The following PTPN4 variants were observed in gnomAD, a reference collection of about 807,000 sequenced individuals.
The protein encoded by PTPN4 is protein tyrosine phosphatase non-receptor type 4.
In PTPN4, 49 loss-of-function variants were observed where a neutral mutation model predicts 135.5. The observed-to-expected ratio is 0.36, with a 90% CI of 0.29 to 0.46. The LOEUF is 0.46. Among genes scored for constraint, PTPN4 ranks in the 20% least tolerant of loss-of-function variants. The probability of loss-of-function intolerance (pLI) is 1.00; values close to 1 mark genes in which losing one functional copy is unlikely to be tolerated. For missense variants in PTPN4, 860 were observed against 1,101.0 expected, an observed-to-expected ratio of 0.78 and a Z score of 3.10; for synonymous variants, 333 against 369.9, an observed-to-expected ratio of 0.90 and a Z score of 1.14.
intron 24 of PTPN4, among the ~76,000 whole-genome samples, chr2:119,962,999 A>G (rs1679390738): frequency 6.6e-6 from 1 of 152,202 alleles, no homozygotes; most frequent in Non-Finnish European, 1.5e-5. Context: ...AAATAATACT[A>G]CTGTTACTAC....
intron 2 of PTPN4, among the ~76,000 whole-genome samples, chr2:119,856,780 T>C (rs1226441302): frequency 2.0e-5 from 3 of 152,178 alleles, no homozygotes; most frequent in Non-Finnish European, 2.9e-5. Flanking sequence ...AGGAGGATAA[T>C]AATTAAGCAA....
intron 12 of PTPN4, among the ~76,000 whole-genome samples, chr2:119,922,219 A>T (rs1039435091): frequency 2.2e-4 from 10 of 46,132 alleles, no homozygotes; most frequent in African/African-American, 8.0e-4. Context: ...AATCTGATTT[A>T]AAAAAAAAAA....
intron 2 of PTPN4, among the ~76,000 whole-genome samples, chr2:119,856,588 T>C (rs1429919692): frequency 6.6e-6 from 1 of 152,204 alleles, no homozygotes; most frequent in East Asian, 1.9e-4. Flanking sequence ...CTTAGTGTCA[T>C]TAAACTGAGC....
chr2:119,844,162 C>A (rs1177555957), intron 2 of PTPN4, among the ~76,000 whole-genome samples: 4 of 118,232 alleles, frequency 3.4e-5, no homozygotes, highest in Non-Finnish European at 5.4e-5. Context: ...CCGACGCCCC[C>A]CACCTCCCTC....
intron 1 of PTPN4, among the ~76,000 whole-genome samples, chr2:119,798,779 TA>T (rs1251725837): frequency 6.6e-6 from 1 of 152,218 alleles, no homozygotes; most frequent in Non-Finnish European, 1.5e-5. Context: ...CATATTCAGG[TA>T]GGTTCTCCAA....
intron 22 of PTPN4, among the ~76,000 whole-genome samples, chr2:119,959,112 T>C (rs1157487875): frequency 6.6e-6 from 1 of 152,168 alleles, no homozygotes; most frequent in East Asian, 1.9e-4. Flanking sequence ...TAAGTATGTC[T>C]ACTAGATGAC....
At chr2:119,922,246 G>C (rs973906480) in intron 12 of PTPN4, among the ~76,000 whole-genome samples, 1 of 143,268 alleles carries the variant, frequency 7.0e-6, no homozygotes, top group African/African-American at 2.9e-5. Flanking sequence ...AAAAAGATCG[G>C]CCGGGAAGGG....
At chr2:119,780,832 T>A (rs1435258164) in intron 1 of PTPN4, among the ~76,000 whole-genome samples, 1 of 152,206 alleles carries the variant, frequency 6.6e-6, no homozygotes, top group Non-Finnish European at 1.5e-5. Flanking sequence ...TTATGTATCT[T>A]GTTACCCAAC....
intron 15 of PTPN4, among the ~76,000 whole-genome samples, chr2:119,938,040 A>G (rs1679009880): frequency 6.6e-6 from 1 of 151,674 alleles, no homozygotes; most frequent in African/African-American, 2.4e-5. Context: ...CATTTGGAAC[A>G]CTTTTAGAAT....
intron 14 of PTPN4, among the ~76,000 whole-genome samples, chr2:119,933,754 A>G (rs569465559): frequency 1.3e-5 from 2 of 152,304 alleles, no homozygotes; most frequent in Admixed American, 6.5e-5. Flanking sequence ...CAGTTTATAC[A>G]TAAACAGTTT....
intron 2 of PTPN4, among the ~76,000 whole-genome samples, chr2:119,825,237 T>G (rs1677129903): frequency 6.6e-6 from 1 of 152,186 alleles, no homozygotes; most frequent in Non-Finnish European, 1.5e-5. Flanking sequence ...TTTTTTTATA[T>G]ATCCAGATTA....
intron 12 of PTPN4, among the ~76,000 whole-genome samples, chr2:119,924,334 A>G (rs1002303672): frequency 2.0e-5 from 3 of 151,886 alleles, no homozygotes; most frequent in African/African-American, 4.8e-5. Flanking sequence ...TAAAAGTGGC[A>G]TATATACCAT....
At chr2:119,860,545 G>T (rs1422206929) in intron 2 of PTPN4, among the ~76,000 whole-genome samples, 1 of 152,002 alleles carries the variant, frequency 6.6e-6, no homozygotes, top group East Asian at 1.9e-4. Context: ...AGTCTTTTGT[G>T]CCTCTGTACT....
intron 1 of PTPN4, among the ~76,000 whole-genome samples, chr2:119,793,010 G>A (rs1691177659): frequency 6.6e-6 from 1 of 152,234 alleles, no homozygotes; most frequent in Admixed American, 6.5e-5. Flanking sequence ...GAAGTTTCAT[G>A]TCCCACTGTG....
At chr2:119,840,786 T>G (rs1202059795) in intron 2 of PTPN4, among the ~76,000 whole-genome samples, 1 of 152,246 alleles carries the variant, frequency 6.6e-6, no homozygotes, top group Admixed American at 6.5e-5. Context: ...CCATTCTGAC[T>G]GGTGTGAGAT....
chr2:119,822,363 C>CT (rs1677080970), intron 2 of PTPN4, among the ~76,000 whole-genome samples: 1 of 129,488 alleles, frequency 7.7e-6, no homozygotes, highest in Non-Finnish European at 1.7e-5. Flanking sequence ...CCTCCCCCCC[C>CT]CTTTTTTTTT....
At chr2:119,899,657 C>G (rs2105014283) in intron 9 of PTPN4, among the ~76,000 whole-genome samples, 1 of 152,186 alleles carries the variant, frequency 6.6e-6, no homozygotes, top group Non-Finnish European at 1.5e-5. Context: ...TATATTTACC[C>G]TTGCATCATT....
chr2:119,957,986 G>A (rs1462454666), intron 22 of PTPN4, among the ~76,000 whole-genome samples: 1 of 152,066 alleles, frequency 6.6e-6, no homozygotes, highest in Non-Finnish European at 1.5e-5. Context: ...TAAGCTTAAA[G>A]AGATGAATTT....
intron 9 of PTPN4, among the ~76,000 whole-genome samples, chr2:119,896,795 A>G (rs929440725): frequency 2.0e-5 from 3 of 152,200 alleles, no homozygotes; most frequent in Non-Finnish European, 4.4e-5. Context: ...CCTGGTTTTC[A>G]AGGTAATGAA....
Sources: allele counts gnomAD v4.1 joint callset (sites outside exome capture counted in the v4.1 genomes callset), GRCh38; gene constraint gnomAD v4.1.1; transcripts MANE v1.5; gene names NCBI Gene and HGNC (gene_info 2026-07-23, HGNC 2026-07-21).